Variants in STOX1 observed in about 807,000 individuals in gnomAD.
STOX1 encodes the protein storkhead box 1, also known as storkhead-box protein 1.
A neutral mutation model predicts 74.8 loss-of-function variants in STOX1; 57 were observed. The ratio of observed to expected loss-of-function variants is 0.76; its 90% CI spans 0.62 to 0.95. The LOEUF (loss-of-function observed/expected upper bound fraction) is 0.95, where lower values mean the gene tolerates loss of function less well. Among genes scored for constraint, STOX1 ranks in the 40% least tolerant of loss-of-function variants. STOX1 has a pLI of 0.00. For missense variants in STOX1, 1,010 were observed against 1,117.0 expected (o/e 0.90, Z 1.37); for synonymous variants, 375 against 401.3 (o/e 0.93, Z 0.78).
At chr10:68,843,759 A>G (rs1839755729) in intron 1 of STOX1, among the ~76,000 whole-genome samples, 1 of 152,128 alleles carries the variant, frequency 6.6e-6, no homozygotes, top group Non-Finnish European at 1.5e-5. Context: ...GAGTTTCACC[A>G]TGTTGGCCAA....
chr10:68,834,290 T>G (rs1442333663), intron 1 of STOX1, among the ~76,000 whole-genome samples: 1 of 152,200 alleles, frequency 6.6e-6, no homozygotes, highest in Non-Finnish European at 1.5e-5. Context: ...GAATCTATCC[T>G]GGGATCTGGT....
At chr10:68,828,118 G>A (rs1839311193) in intron 1 of STOX1, 185 bp downstream of exon 1, 7 of 349,300 alleles carry the variant, frequency 2.0e-5, no homozygotes, top group Non-Finnish European at 2.5e-5. Flanking sequence ...ACGCGCGGCT[G>A]GCGCGCGCCG....
Position 68,885,664 on chromosome 10 carries a change from A to G in STOX1, c.1868A>G (p.Lys623Arg). 1 of 1,614,184 alleles carries G rather than the reference A, an allele frequency of 6.2e-7. No individual in the cohort carries two copies. The highest frequency in any genetic ancestry group is 8.5e-7 in the Non-Finnish European group (1 of 1,180,032). The change falls in exon 3 of 4, where the codon AAA (lysine) becomes AGA (arginine). Residue 623 changes from lysine to arginine, a missense_variant. Physicochemically the swap from Lys to Arg is conservative, Grantham distance 26. Coordinates refer to ENST00000298596, the MANE Select transcript of STOX1 (RefSeq NM_152709.5). ...GAGGTAATTCCTGAAGTCTTGAGGAAAAGTCATTCCCACTTTGACAAATTA... is the reference window on the plus strand; with the variant it reads ...GAGGTAATTCCTGAAGTCTTGAGGAGAAGTCATTCCCACTTTGACAAATTA... ...ENEVIPEVLR[K>R]SHSHFDKLGE... is the part of the protein sequence containing the mutation.
chr10:68,830,367 G>C (rs1167778184), intron 1 of STOX1, among the ~76,000 whole-genome samples: 1 of 152,044 alleles, frequency 6.6e-6, no homozygotes, highest in Non-Finnish European at 1.5e-5. Flanking sequence ...TTGTTTGACA[G>C]AGTCTCTCTC....
intron 3 of STOX1, 76 bp downstream of exon 3, chr10:68,886,694 C>A: frequency 7.3e-7 from 1 of 1,365,914 alleles, no homozygotes; most frequent in East Asian, 2.4e-5. Context: ...TTTGGGAGGC[C>A]GAGGCGGGCA....
At chr10:68,856,228 CCT>C (rs1428184176) in intron 1 of STOX1, among the ~76,000 whole-genome samples, 1 of 152,052 alleles carries the variant, frequency 6.6e-6, no homozygotes, top group African/African-American at 2.4e-5. Flanking sequence ...TTTTTAAACT[CCT>C]CTTTTTTTCC....
chr10:68,873,578 T>A (rs1419897080), intron 1 of STOX1, among the ~76,000 whole-genome samples: 3 of 148,988 alleles, frequency 2.0e-5, no homozygotes, highest in African/African-American at 7.4e-5. Flanking sequence ...TTTTTTTTTT[T>A]AATCCTGAGT....
chr10:68,855,112 T>G (rs1467434557), intron 1 of STOX1, among the ~76,000 whole-genome samples: 1 of 106,814 alleles, frequency 9.4e-6, no homozygotes, highest in African/African-American at 3.7e-5. Context: ...AAAGACTGTT[T>G]CTTAAAAAAA....
chr10:68,888,802 ATTTTTTTTTTTTT>A (rs35174437), intron 3 of STOX1, among the ~76,000 whole-genome samples: 8 of 32,062 alleles, frequency 2.5e-4, no homozygotes, highest in Admixed American at 5.8e-4. Flanking sequence ...TGCCCAGCTA[ATTTTTTTTTTTTT>A]TTTTTTTTTT....
intron 1 of STOX1, among the ~76,000 whole-genome samples, chr10:68,870,013 GC>G (rs1840498086): frequency 6.6e-6 from 1 of 151,968 alleles, no homozygotes; most frequent in Admixed American, 6.6e-5. Context: ...AGATTGCTTG[GC>G]CCCCAGTATA....
chr10:68,868,631 C>T (rs116200065), intron 1 of STOX1, among the ~76,000 whole-genome samples: 2,304 of 152,176 alleles, frequency 0.015, 49 homozygotes, highest in African/African-American at 0.053. Context: ...TCTCCTGAAC[C>T]GAGGAGGCAG....
chr10:68,867,406 T>G (rs1840437018), intron 1 of STOX1, among the ~76,000 whole-genome samples: 1 of 152,212 alleles, frequency 6.6e-6, no homozygotes, highest in African/African-American at 2.4e-5. Flanking sequence ...GCCAAGCCTC[T>G]AAATCACCCT....
chr10:68,883,861 T>G (rs1247751557), intron 2 of STOX1, among the ~76,000 whole-genome samples: 1 of 147,452 alleles, frequency 6.8e-6, no homozygotes, highest in Non-Finnish European at 1.5e-5. Flanking sequence ...ACTCCTGAGC[T>G]CAAATGATCC....
intron 1 of STOX1, among the ~76,000 whole-genome samples, chr10:68,870,365 T>A (rs1437713712): frequency 6.6e-6 from 1 of 152,154 alleles, no homozygotes; most frequent in African/African-American, 2.4e-5. Flanking sequence ...GCATGACTAC[T>A]TTTAGGGACA....
intron 1 of STOX1, among the ~76,000 whole-genome samples, chr10:68,878,254 C>T (rs1403910145): frequency 6.6e-6 from 1 of 152,130 alleles, no homozygotes; most frequent in Non-Finnish European, 1.5e-5. Flanking sequence ...TTTAATTTCA[C>T]ATTTTGTCTG....
Position 68,888,802 on chromosome 10 carries a change from A to ATTTTTTTTTTT in STOX1, c.2822+2206_2822+2216dup, listed in dbSNP as rs35174437. ...AGGCATATGTCACTATGCCCAGCTA[A>ATTTTTTTTTTT]TTTTTTTTTTTTTTTTTTTTTTTTT... On this transcript the variant is annotated intron_variant, in intron 3 of 3. Coordinates refer to ENST00000298596, the MANE Select transcript of STOX1 (RefSeq NM_152709.5). Among the ~76,000 whole-genome samples, 10 of 32,060 alleles carry ATTTTTTTTTTT rather than the reference A, an allele frequency of 3.1e-4. 1 individual carries two copies. The highest frequency in any genetic ancestry group is 5.3e-4 in the African/African-American group (4 of 7,598). The allele number at this position is 32,060 out of a possible 152,430, so 21.0% of individuals were successfully genotyped here.
At chr10:68,847,423 TTTGTTTTTC>T (rs1204580596) in intron 1 of STOX1, among the ~76,000 whole-genome samples, 3 of 152,018 alleles carry the variant, frequency 2.0e-5, no homozygotes, top group African/African-American at 7.2e-5. Flanking sequence ...TTTGTTTTGT[TTTGTTTTTC>T]TCGAGATCAC....
chr10:68,828,094 G>A, intron 1 of STOX1, 161 bp downstream of exon 1: 1 of 222,754 alleles, frequency 4.5e-6, no homozygotes, highest in Non-Finnish European at 6.1e-6. Context: ...GCGCCAACGC[G>A]CGCTGCTTCT....
intron 1 of STOX1, among the ~76,000 whole-genome samples, chr10:68,880,765 T>C (rs970743710): frequency 5.9e-5 from 9 of 152,288 alleles, no homozygotes; most frequent in Admixed American, 3.9e-4. Context: ...CCATCTCGGC[T>C]CACTGCAACC....
Sources: allele counts gnomAD v4.1 joint callset (sites outside exome capture counted in the v4.1 genomes callset), GRCh38; gene constraint gnomAD v4.1.1; transcripts MANE v1.5; gene names NCBI Gene and HGNC (gene_info 2026-07-23, HGNC 2026-07-21).